The following LRPPRC variants were observed in gnomAD, a reference collection of about 807,000 sequenced individuals.
LRPPRC encodes the protein leucine-rich PPR motif-containing protein, mitochondrial.
In LRPPRC, 120 loss-of-function variants were observed where a neutral mutation model predicts 180.3. The ratio of observed to expected loss-of-function variants is 0.67; its 90% CI spans 0.57 to 0.77. LRPPRC has a LOEUF of 0.77. LRPPRC is among the 30% of genes least tolerant of loss of function. The pLI, the probability that LRPPRC is intolerant of heterozygous loss-of-function variation, is 0.00. For missense variants in LRPPRC, 2,012 were observed against 1,657.2 expected, an observed-to-expected ratio of 1.21 and a Z score of -3.72; for synonymous variants, 723 against 600.0, an observed-to-expected ratio of 1.21 and a Z score of -3.00.
Position 43,976,204 on chromosome 2 carries a change from T to C in LRPPRC, c.676A>G (p.Lys226Glu), listed in dbSNP as rs1674047513. 1 of 1,610,378 alleles carries C rather than the reference T, an allele frequency of 6.2e-7. No individual in the cohort carries two copies. ...ACTGCCTCTGTAACTGGGAGATCCT[T>C]AGTTTTCATAAATCCAAGAATCTTG... ...ASKILGFMKTKDLPVTEAVFS... is the reference protein window; with the variant it reads ...ASKILGFMKTEDLPVTEAVFS... Residue 226 changes from lysine (K) to glutamate (E), a missense_variant, in exon 6 of 38, where the codon AAG becomes GAG. Transcript: ENST00000260665.
rs1362079904 is a variant in LRPPRC, at chr2:43,905,161, T to G, written c.3364+531A>C. 2.6e-5 allele frequency among the ~76,000 whole-genome samples: 4 copies of G among 152,140 alleles called. No individual in the cohort carries two copies. The East Asian group carries it at 7.7e-4, about 29-fold the overall frequency. On this transcript the variant is annotated intron_variant, in intron 31 of 37. Transcript: ENST00000260665. ...CACTGTATTTTATTGCTGTTGGTAT[T>G]ATGAACTATTAAAAAAGTATTAGAT...
intron 25 of LRPPRC, among the ~76,000 whole-genome samples, chr2:43,930,211 T>C (rs1203142087): frequency 6.6e-6 from 1 of 150,686 alleles, no homozygotes; most frequent in Admixed American, 6.6e-5. Context: ...TGCACCGTGA[T>C]GGAAAGGCAA....
At chr2:43,912,324 G>T in intron 30 of LRPPRC, 108 bp downstream of exon 30, 1 of 967,154 alleles carries the variant, frequency 1.0e-6, no homozygotes, top group Non-Finnish European at 1.6e-6. Flanking sequence ...GGTAGCTGAG[G>T]CCAATCAAGC....
In LRPPRC at chr2:43,888,454, T is replaced by A. The variant is rs886942029; in HGVS notation, c.*146A>T. On this transcript the variant is annotated 3_prime_UTR_variant, in exon 38 of 38. Transcript: ENST00000260665. ...TGTCCAATAACCAAGTGCACAGAGT[T>A]ATGGTCAATAAGACTTTGAACATGC... 20 of 620,662 alleles carry A rather than the reference T, an allele frequency of 3.2e-5. No individual in the cohort carries two copies. The highest frequency in any genetic ancestry group is 5.9e-5 in the Non-Finnish European group (20 of 341,030). The allele number at this position is 620,662 out of a possible 1,614,324, so 38.4% of individuals were successfully genotyped here. A position where few individuals can be genotyped will look rare whatever the true frequency, so the allele number is the denominator to read the frequency against.
intron 23 of LRPPRC, among the ~76,000 whole-genome samples, chr2:43,941,688 T>C (rs574587404): frequency 6.6e-6 from 1 of 152,146 alleles, no homozygotes; most frequent in East Asian, 1.9e-4. Flanking sequence ...TGACTACGAA[T>C]GTTTCTGCTG....
intron 24 of LRPPRC, 49 bp from the exon 25 acceptor site, chr2:43,934,345 G>A (rs1282195852): frequency 7.1e-6 from 6 of 850,642 alleles, no homozygotes; most frequent in Non-Finnish European, 1.2e-5. Flanking sequence ...AAAAAACCCA[G>A]AAAAACAGTA....
At position 43,995,986 on chromosome 2, in the gene LRPPRC, G is replaced by A. The variant is rs1449284778; in HGVS notation, c.-39C>T. ...CCGCAGCGGGAAGCACGCTCCGCCA[G>A]AAGGACAGGAGGAGCATGTGACCGC... On this transcript the variant is annotated 5_prime_UTR_variant, in exon 1 of 38. Transcript: ENST00000260665. 1 of 1,522,900 alleles carries A rather than the reference G, an allele frequency of 6.6e-7. No individual in the cohort carries two copies. The highest frequency in any genetic ancestry group is 8.8e-7 in the Non-Finnish European group (1 of 1,141,596). 94.3% of individuals were successfully genotyped at this position (1,522,900 alleles called of 1,614,324 possible). A position where few individuals can be genotyped will look rare whatever the true frequency, so the allele number is the denominator to read the frequency against.
intron 2 of LRPPRC, among the ~76,000 whole-genome samples, chr2:43,980,547 C>T (rs1172491214): frequency 1.9e-5 from 2 of 106,484 alleles, no homozygotes; most frequent in Non-Finnish European, 3.5e-5. Context: ...GATCAAGACT[C>T]TGTTTCAAAA....
intron 14 of LRPPRC, among the ~76,000 whole-genome samples, chr2:43,952,229 C>T (rs1472284865): frequency 6.6e-6 from 1 of 152,034 alleles, no homozygotes; most frequent in African/African-American, 2.4e-5. Context: ...TATTAAGCTG[C>T]CCTCAAACGT....
At chr2:43,890,743 G>A (rs1670461875) in intron 36 of LRPPRC, among the ~76,000 whole-genome samples, 1 of 152,116 alleles carries the variant, frequency 6.6e-6, no homozygotes, top group Non-Finnish European at 1.5e-5. Context: ...AACCTATAAG[G>A]AGACATTAAC....
At chr2:43,946,986 T>C (rs913852970) in intron 20 of LRPPRC, among the ~76,000 whole-genome samples, 1 of 152,100 alleles carries the variant, frequency 6.6e-6, no homozygotes, top group African/African-American at 2.4e-5. Flanking sequence ...ACCGGAGCCA[T>C]GGCTTGAAAG....
chr2:43,923,074 T>C (rs113392012), intron 27 of LRPPRC, among the ~76,000 whole-genome samples: 67 of 149,448 alleles, frequency 4.5e-4, no homozygotes, highest in African/African-American at 1.3e-3. Flanking sequence ...ATAGGACACA[T>C]AGAGGAAATT....
chr2:43,936,180 G>A (rs1011912764), intron 23 of LRPPRC, among the ~76,000 whole-genome samples: 17 of 152,208 alleles, frequency 1.1e-4, no homozygotes, highest in African/African-American at 3.9e-4. Flanking sequence ...AATGAAACTG[G>A]GGCATCTAGA....
rs575547521 is a variant in LRPPRC, at chr2:43,942,757, A to G, written c.2504+930T>C. Among the ~76,000 whole-genome samples the G allele has an allele frequency of 9.5e-4, 144 of 152,144 alleles. 1 individual carries two copies. Among genetic ancestry groups the G allele is most frequent in the African/African-American group, 3.3e-3 (138 of 41,552 alleles). ...GCATCAACAGGACAACATCCACACT[A>G]CATCCACAGTGAGATATTTCTGCGT... On this transcript the variant is annotated intron_variant, in intron 23 of 37. Coordinates refer to ENST00000260665, the MANE Select transcript of LRPPRC (RefSeq NM_133259.4).
intron 19 of LRPPRC, 70 bp from the exon 20 acceptor site, chr2:43,947,440 C>G: frequency 1.3e-6 from 1 of 767,200 alleles, no homozygotes; most frequent in Non-Finnish European, 2.3e-6. Context: ...TGTCACTCTT[C>G]CCTTTAAACT....
At chr2:43,996,013 G>A, upstream of LRPPRC, 2 of 1,494,158 alleles carry the variant, frequency 1.3e-6, no homozygotes, top group East Asian at 2.6e-5. Flanking sequence ...TGTGACCGCA[G>A]GGTAGCCTGG....
chr2:43,990,811 G>C (rs1674741679), intron 1 of LRPPRC, among the ~76,000 whole-genome samples: 1 of 149,910 alleles, frequency 6.7e-6, no homozygotes, highest in African/African-American at 2.5e-5. Flanking sequence ...GAATGTTACA[G>C]ATTTCAGAAC....
intron 14 of LRPPRC, among the ~76,000 whole-genome samples, chr2:43,951,001 C>T (rs771236855): frequency 2.6e-5 from 4 of 152,114 alleles, no homozygotes; most frequent in South Asian, 2.1e-4. Context: ...ACCCGGGAAG[C>T]GGAGGTTGCA....
At chr2:43,929,332 A>G (rs188343706) in intron 25 of LRPPRC, among the ~76,000 whole-genome samples, 58 of 152,336 alleles carry the variant, frequency 3.8e-4, no homozygotes, top group African/African-American at 1.1e-3. Context: ...GTTACTTCGT[A>G]TGACTAGTAC....
Sources: allele counts gnomAD v4.1 joint callset (sites outside exome capture counted in the v4.1 genomes callset), GRCh38; gene constraint gnomAD v4.1.1; transcripts MANE v1.5; gene names NCBI Gene and HGNC (gene_info 2026-07-23, HGNC 2026-07-21).